The following CHD6 variants were observed in gnomAD, a reference collection of about 807,000 sequenced individuals.
The protein encoded by CHD6 is ATP-dependent chromatin remodeler CHD6.
A neutral mutation model predicts 276.9 loss-of-function variants in CHD6; 50 were observed. The observed-to-expected ratio is 0.18, with a 90% CI of 0.14 to 0.23. The LOEUF is 0.23. Ranked by LOEUF, CHD6 falls within the 10% of genes least tolerant of loss-of-function variation. The probability of loss-of-function intolerance (pLI) is 1.00; values close to 1 mark genes in which losing one functional copy is unlikely to be tolerated. For missense variants in CHD6, 2,564 were observed against 3,365.8 expected, an observed-to-expected ratio of 0.76 and a Z score of 5.89; for synonymous variants, 1,173 against 1,229.3, an observed-to-expected ratio of 0.95 and a Z score of 0.96.
At chr20:41,439,783 C>G (rs763874255) in intron 26 of CHD6, among the ~76,000 whole-genome samples, 2 of 152,098 alleles carry the variant, frequency 1.3e-5, no homozygotes, top group African/African-American at 4.8e-5. Flanking sequence ...GAACAGGAAC[C>G]GGTATTTGGT....
chr20:41,406,762 C>T lies in CHD6; in HGVS notation c.7252-1273G>A, dbSNP rs117686849. On this transcript the variant is annotated intron_variant, in intron 36 of 36. Transcript: ENST00000373233. Reference sequence around the variant, plus strand: ...TGCATGCCTTTCTCTCTCTCGACTGCCCTCCACACCTCACTGCTATCAGCT... The same window carrying T: ...TGCATGCCTTTCTCTCTCTCGACTGTCCTCCACACCTCACTGCTATCAGCT... Among the ~76,000 whole-genome samples, 1,373 of 152,340 alleles carry T rather than the reference C, an allele frequency of 9.0e-3. 9 individuals are homozygous for T. Among genetic ancestry groups the T allele is most frequent in the Non-Finnish European group, 0.014 (962 of 68,028 alleles).
At chr20:41,551,098 C>T (rs1353900031) in intron 2 of CHD6, among the ~76,000 whole-genome samples, 1 of 152,162 alleles carries the variant, frequency 6.6e-6, no homozygotes, top group Non-Finnish European at 1.5e-5. Flanking sequence ...GTTTTCATTA[C>T]ATTTACTCCT....
chr20:41,614,690 A>G (rs1157780275), intron 1 of CHD6: 1 of 152,244 alleles, frequency 6.6e-6, no homozygotes, highest in Non-Finnish European at 1.5e-5. Flanking sequence ...GATATTTTAA[A>G]ATAACTCCAT....
intron 2 of CHD6, among the ~76,000 whole-genome samples, chr20:41,550,452 G>A (rs2045127636): frequency 6.6e-6 from 1 of 152,186 alleles, no homozygotes; most frequent in African/African-American, 2.4e-5. Flanking sequence ...GTTGAGGACA[G>A]ACCAGGGGGT....
chr20:41,472,582 T>A (rs74167741), intron 17 of CHD6, among the ~76,000 whole-genome samples: 1 of 152,230 alleles, frequency 6.6e-6, no homozygotes, highest in Non-Finnish European at 1.5e-5. Flanking sequence ...TTCCATATTG[T>A]CTTATTGACA....
At chr20:41,437,953 C>CGTCT (rs1327895192) in intron 26 of CHD6, among the ~76,000 whole-genome samples, 3 of 152,196 alleles carry the variant, frequency 2.0e-5, no homozygotes, top group African/African-American at 7.2e-5. Flanking sequence ...TCCAGCCTCA[C>CGTCT]GTCTACTCAG....
rs200662558 is a variant in CHD6, at chr20:41,498,185, G to A, written c.957C>T (p.Tyr319=). 9.8e-5 allele frequency: 158 copies of A among 1,609,774 alleles called. No homozygotes were observed. Among genetic ancestry groups the A allele is most frequent in the Non-Finnish European group, 1.3e-4 (149 of 1,178,162 alleles). The change falls in exon 7 of 37, where the codon TAC becomes TAT. Residue 319 remains tyrosine, a synonymous_variant. Transcript: ENST00000373233. ...GEPPFDLELF[Y]VKYRNFSYLH... ...AGACGTACAAATTTCTATACTTAAC[G>A]TAGAACAGCTCCAAGTCGAACGGAG...
intron 5 of CHD6, among the ~76,000 whole-genome samples, chr20:41,502,628 T>A (rs2043862309): frequency 6.6e-6 from 1 of 152,248 alleles, no homozygotes; most frequent in Admixed American, 6.5e-5. Flanking sequence ...GTCTTTAGCA[T>A]TTTCATATGA....
chr20:41,505,215 T>C lies in CHD6; in HGVS notation c.853-5858A>G, dbSNP rs146958287. On this transcript the variant is annotated intron_variant, in intron 5 of 36. Transcript: ENST00000373233. Reference sequence around the variant, plus strand: ...CAAATATCTTAAGCAAGAGTCAGTATTTTGTGGTAGGTCCATTCCTTTAGT... The same window carrying C: ...CAAATATCTTAAGCAAGAGTCAGTACTTTGTGGTAGGTCCATTCCTTTAGT... 6.3e-3 allele frequency among the ~76,000 whole-genome samples: 967 copies of C among 152,314 alleles called. 11 individuals are homozygous for C. Among genetic ancestry groups the C allele is most frequent in the Middle Eastern group, 0.024 (7 of 294 alleles).
rs1160659829 is a variant in CHD6 at position 41,484,627 on chromosome 20, C to T, written c.2002-20G>A. Reference sequence around the variant, plus strand: ...CTTTACCTGTCCAGGGAAATGAGACCTAGTTACCTGCCTCAATCCCAAGTT... The same window carrying T: ...CTTTACCTGTCCAGGGAAATGAGACTTAGTTACCTGCCTCAATCCCAAGTT... On this transcript the variant is annotated intron_variant, in intron 14 of 36. Coordinates refer to ENST00000373233, the MANE Select transcript of CHD6 (RefSeq NM_032221.5). 10 of 1,612,546 alleles carry T rather than the reference C, an allele frequency of 6.2e-6. No homozygotes were observed. The highest frequency in any genetic ancestry group is 7.6e-6 in the Non-Finnish European group (9 of 1,179,140).
chr20:41,411,928 G>T (rs2046851026), intron 36 of CHD6, among the ~76,000 whole-genome samples: 1 of 152,246 alleles, frequency 6.6e-6, no homozygotes, highest in African/African-American at 2.4e-5. Context: ...GGAGGTAAGG[G>T]TTGAAAACAA....
At chr20:41,501,756 T>C (rs188993575) in intron 5 of CHD6, among the ~76,000 whole-genome samples, 14 of 152,312 alleles carry the variant, frequency 9.2e-5, no homozygotes, top group African/African-American at 3.4e-4. Context: ...AAAAATTTTC[T>C]CAGTGATTGT....
intron 5 of CHD6, among the ~76,000 whole-genome samples, chr20:41,502,839 CTACTAAAAATACAAAAAT>C (rs2043869547): frequency 6.6e-6 from 1 of 152,178 alleles, no homozygotes; most frequent in Admixed American, 6.5e-5. Context: ...AACCCTGTCT[CTACTAAAAATACAAAAAT>C]TAGCGTGGCG....
At chr20:41,605,114 G>GT (rs1490152955) in intron 1 of CHD6, among the ~76,000 whole-genome samples, 1 of 152,112 alleles carries the variant, frequency 6.6e-6, no homozygotes, top group Non-Finnish European at 1.5e-5. Context: ...GTGTCTGTAA[G>GT]TAACTCTCAA....
chr20:41,488,886 A>G (rs1190184695), intron 12 of CHD6, among the ~76,000 whole-genome samples: 3 of 152,248 alleles, frequency 2.0e-5, no homozygotes, highest in Non-Finnish European at 4.4e-5. Context: ...TTTATTTATT[A>G]GCTGTCATGA....
intron 3 of CHD6, among the ~76,000 whole-genome samples, chr20:41,530,963 A>G (rs1282361613): frequency 6.6e-6 from 1 of 152,230 alleles, no homozygotes; most frequent in Admixed American, 6.5e-5. Context: ...ATTAGATCAA[A>G]TCAAGTTGCG....
chr20:41,546,806 A>T (rs1198571477), intron 2 of CHD6, among the ~76,000 whole-genome samples: 2 of 152,256 alleles, frequency 1.3e-5, no homozygotes, highest in Non-Finnish European at 2.9e-5. Flanking sequence ...ATAAAAGTCT[A>T]TAGCTCTCCT....
chr20:41,525,463 G>A (rs1601084454), intron 3 of CHD6, among the ~76,000 whole-genome samples: 1 of 152,146 alleles, frequency 6.6e-6, no homozygotes, highest in East Asian at 1.9e-4. Context: ...TGCAAACACA[G>A]CGCCTGCCTG....
chr20:41,490,100 C>T, intron 11 of CHD6, 79 bp from the exon 12 acceptor site: 1 of 1,119,658 alleles, frequency 8.9e-7, no homozygotes, highest in Non-Finnish European at 1.3e-6. Flanking sequence ...TGAAAAGATG[C>T]TTCACATACC....
Sources: gnomAD v4.1 joint callset for allele counts (sites outside exome capture counted in the v4.1 genomes callset) on GRCh38, gnomAD v4.1.1 for gene constraint, MANE v1.5 for transcripts, NCBI Gene and HGNC (gene_info 2026-07-23, HGNC 2026-07-21) for gene names.